Variants in CCDC148 observed in about 807,000 individuals in gnomAD.
CCDC148 encodes coiled-coil domain-containing protein 148.
A neutral mutation model predicts 85.7 loss-of-function variants in CCDC148; 89 were observed. The ratio of observed to expected loss-of-function variants is 1.04; its 90% CI spans 0.87 to 1.24. CCDC148 has a LOEUF of 1.24. Ranked by LOEUF, CCDC148 falls within the 50% of genes most tolerant of loss-of-function variation. The pLI is 0.00. For synonymous variants in CCDC148, 230 were observed against 213.9 expected (o/e 1.08, Z -0.66); for missense variants, 692 against 671.7 (o/e 1.03, Z -0.33).
intron 2 of CCDC148, among the ~76,000 whole-genome samples, chr2:158,358,168 G>T (rs1292315778): frequency 6.6e-6 from 1 of 152,260 alleles, no homozygotes; most frequent in Admixed American, 6.5e-5. Flanking sequence ...GTTGGAAGTT[G>T]TTGAAAGCCA....
chr2:158,366,046 G>T, intron 1 of CCDC148: 1 of 1,542,452 alleles, frequency 6.5e-7, no homozygotes, highest in Non-Finnish European at 8.7e-7. Flanking sequence ...TGTCATGAAT[G>T]GTTGGTCTCT....
intron 2 of CCDC148, among the ~76,000 whole-genome samples, chr2:158,358,207 G>C (rs1683758358): frequency 6.6e-6 from 1 of 152,110 alleles, no homozygotes; most frequent in Non-Finnish European, 1.5e-5. Context: ...AAAAAATAAA[G>C]TTGAATTCAG....
intron 11 of CCDC148, among the ~76,000 whole-genome samples, chr2:158,195,433 C>T (rs1685623784): frequency 6.6e-6 from 1 of 152,112 alleles, no homozygotes; most frequent in African/African-American, 2.4e-5. Flanking sequence ...GTTTAACATT[C>T]ATTTACCCCC....
intron 1 of CCDC148, among the ~76,000 whole-genome samples, chr2:158,365,089 A>C (rs1394762687): frequency 2.0e-5 from 3 of 152,324 alleles, no homozygotes; most frequent in Middle Eastern, 3.4e-3. Context: ...AGAAATCCAA[A>C]TCAAAACCAC....
intron 1 of CCDC148, chr2:158,425,252 T>C (rs567120786): frequency 2.4e-5 from 13 of 538,528 alleles, no homozygotes; most frequent in East Asian, 1.5e-4. Flanking sequence ...AGAGCACTTA[T>C]GGCAAGGCAT....
intron 11 of CCDC148, among the ~76,000 whole-genome samples, chr2:158,203,586 A>C (rs901952755): frequency 6.6e-6 from 1 of 152,198 alleles, no homozygotes; most frequent in African/African-American, 2.4e-5. Flanking sequence ...CTCAATGTTA[A>C]AAGTTTGTTA....
chr2:158,397,177 C>A (rs915404426), intron 1 of CCDC148, among the ~76,000 whole-genome samples: 14 of 151,974 alleles, frequency 9.2e-5, no homozygotes, highest in Non-Finnish European at 1.6e-4. Flanking sequence ...TTCAGATAAA[C>A]CAACCCAGGA....
At chr2:158,193,769 G>A (rs2105275276) in intron 11 of CCDC148, among the ~76,000 whole-genome samples, 1 of 151,990 alleles carries the variant, frequency 6.6e-6, no homozygotes, top group Middle Eastern at 3.4e-3. Flanking sequence ...CACTTATTAG[G>A]TGTATATGAA....
At position 158,375,696 on chromosome 2, in the gene CCDC148, C is replaced by G. The variant is rs181115659; in HGVS notation, c.26-17126G>C. Among the ~76,000 whole-genome samples, 308 of 152,234 alleles carry G rather than the reference C, an allele frequency of 2.0e-3. 1 individual carries two copies. Among genetic ancestry groups the G allele is most frequent in the African/African-American group, 7.2e-3 (299 of 41,566 alleles). ...AATGACCATGTGATACACTTCCAAC[C>G]AATGAGACATGACTAGAGAGAGGTC... is the stretch of plus-strand genomic sequence containing the variant. On this transcript the variant is annotated intron_variant, in intron 1 of 13. Transcript: ENST00000283233.
chr2:158,449,495 T>G (rs1200718078), intron 1 of CCDC148, among the ~76,000 whole-genome samples: 1 of 151,786 alleles, frequency 6.6e-6, no homozygotes, highest in Non-Finnish European at 1.5e-5. Flanking sequence ...TCGCCCAGGC[T>G]GGAGTGCAGT....
Position 158,179,221 on chromosome 2 carries a change from C to T in CCDC148, c.1371-225G>A, listed in dbSNP as rs185072201. Among the ~76,000 whole-genome samples the T allele has an allele frequency of 2.3e-3, 289 of 125,810 alleles. 3 individuals carry two copies. Among genetic ancestry groups the T allele is most frequent in the African/African-American group, 7.8e-3 (255 of 32,684 alleles). The allele number at this position is 125,810 out of a possible 152,430, so 82.5% of individuals were successfully genotyped here. ...CAGTCTTGGCTTGAGTGCAGAGGCA[C>T]GATCTTGGCTCACTGCAACCTCTGC... On this transcript the variant is annotated intron_variant, in intron 11 of 13. Transcript: ENST00000283233.
chr2:158,237,028 T>A (rs1446614202), intron 10 of CCDC148, among the ~76,000 whole-genome samples: 1 of 152,140 alleles, frequency 6.6e-6, no homozygotes, highest in Non-Finnish European at 1.5e-5. Context: ...CTTTCTAAGA[T>A]GACATTTGTG....
intron 7 of CCDC148, among the ~76,000 whole-genome samples, chr2:158,327,468 A>T (rs1235882792): frequency 2.6e-5 from 4 of 152,192 alleles, no homozygotes. Context: ...ATATGATCAC[A>T]TGAGCAACGT....
chr2:158,176,492 T>G (rs755264643), intron 13 of CCDC148, 29 bp downstream of exon 13: 1 of 1,604,520 alleles, frequency 6.2e-7, no homozygotes, highest in East Asian at 2.2e-5. Flanking sequence ...CATGGCTTTT[T>G]CATCAGTCAT....
At chr2:158,420,565 C>T (rs1686725165) in intron 1 of CCDC148, among the ~76,000 whole-genome samples, 2 of 152,100 alleles carry the variant, frequency 1.3e-5, no homozygotes, top group Admixed American at 6.6e-5. Context: ...CCAGGCCTGC[C>T]TTACAAGAGC....
At chr2:158,267,915 G>A (rs1689539481) in intron 9 of CCDC148, among the ~76,000 whole-genome samples, 1 of 152,124 alleles carries the variant, frequency 6.6e-6, no homozygotes, top group African/African-American at 2.4e-5. Flanking sequence ...GTTGTTCCAT[G>A]TATGAGTGGT....
chr2:158,175,315 T>C (rs1232450453), intron 13 of CCDC148, among the ~76,000 whole-genome samples: 3 of 134,330 alleles, frequency 2.2e-5, no homozygotes, highest in Non-Finnish European at 3.2e-5. Flanking sequence ...CTTCTCCCTA[T>C]GTATCCTCCC....
chr2:158,305,675 G>A lies in CCDC148; in HGVS notation c.1110+3758C>T, dbSNP rs141427410. Among the ~76,000 whole-genome samples, 7 of 150,302 alleles carry A rather than the reference G, an allele frequency of 4.7e-5. No homozygotes were observed. In the East Asian group the frequency reaches 1.4e-3, roughly 29 times the overall value. On this transcript the variant is annotated intron_variant, in intron 9 of 13. Coordinates refer to ENST00000283233, the MANE Select transcript of CCDC148 (RefSeq NM_138803.4). Reference sequence around the variant, plus strand: ...AGATGGAGGCAGGAAGATCACTTGAGCCTGGGACATCTGGGCTGCAATGAG... The same window carrying A: ...AGATGGAGGCAGGAAGATCACTTGAACCTGGGACATCTGGGCTGCAATGAG...
At chr2:158,286,919 G>A (rs982060091) in intron 9 of CCDC148, among the ~76,000 whole-genome samples, 23 of 152,264 alleles carry the variant, frequency 1.5e-4, no homozygotes, top group African/African-American at 4.1e-4. Context: ...GTATTAGTCC[G>A]TTTTCATGCT....
Sources: gnomAD v4.1 joint callset for allele counts (sites outside exome capture counted in the v4.1 genomes callset) on GRCh38, gnomAD v4.1.1 for gene constraint, MANE v1.5 for transcripts, NCBI Gene and HGNC (gene_info 2026-07-23, HGNC 2026-07-21) for gene names.